SLC44A2: variants seen among roughly 807,000 people sequenced by gnomAD.
The protein encoded by SLC44A2 is choline transporter-like protein 2.
SLC44A2 carries 57 observed loss-of-function variants against 90.8 expected under a neutral mutation model. The ratio of observed to expected loss-of-function variants is 0.63; its 90% CI spans 0.51 to 0.78. SLC44A2 has a LOEUF of 0.78. SLC44A2 is among the 30% of genes least tolerant of loss of function. The pLI, the probability that SLC44A2 is intolerant of heterozygous loss-of-function variation, is 0.00. For missense variants in SLC44A2, 794 were observed against 919.7 expected (o/e 0.86, Z 1.77); for synonymous variants, 355 against 360.7 (o/e 0.98, Z 0.18).
At chr19:10,640,651 T>A (rs2067105585) in intron 20 of SLC44A2, among the ~76,000 whole-genome samples, 1 of 152,130 alleles carries the variant, frequency 6.6e-6, no homozygotes, top group South Asian at 2.1e-4. Context: ...CGTGTGAGTC[T>A]CCAGATTGCT....
Position 10,631,388 on chromosome 19 carries a change from G to T in SLC44A2, c.441+3G>T. On this transcript the variant is annotated splice_donor_region_variant and intron_variant, in intron 6 of 21. Coordinates refer to ENST00000335757, the MANE Select transcript of SLC44A2 (RefSeq NM_020428.4). ...TTCCTGGCTTCAAGAACAATAAAGT[G>T]AGTTGTAGACTGTCCTGAGAGCACA... 1 of 1,614,144 alleles carries T rather than the reference G, an allele frequency of 6.2e-7. No homozygotes were observed. The highest frequency in any genetic ancestry group is 8.5e-7 in the Non-Finnish European group (1 of 1,180,018).
chr19:10,634,999 C>G lies in SLC44A2; in HGVS notation c.981C>G (p.Val327=). The G allele has an allele frequency of 6.2e-7, 1 of 1,614,118 alleles. No homozygotes were observed. Among genetic ancestry groups the G allele is most frequent in the Non-Finnish European group, 8.5e-7 (1 of 1,180,034 alleles). The change falls in exon 12 of 22, where the codon GTC becomes GTG. Residue 327 remains valine, a synonymous_variant. Coordinates refer to ENST00000335757, the MANE Select transcript of SLC44A2 (RefSeq NM_020428.4). Reference sequence around the variant, plus strand: ...TGATCATTCTGAGTATCCTTGAAGTCATTATCATCTTGCTGCTCATCTTTC... The same window carrying G: ...TGATCATTCTGAGTATCCTTGAAGTGATTATCATCTTGCTGCTCATCTTTC... ...AFMIILSILE[V]IIILLLIFLR...
At chr19:10,628,094 G>C in intron 4 of SLC44A2, 90 bp downstream of exon 4, 1 of 1,222,624 alleles carries the variant, frequency 8.2e-7, no homozygotes, top group Non-Finnish European at 1.2e-6. Context: ...CAGTTAACAA[G>C]TGCTTATAGG....
At chr19:10,603,261 T>C (rs1485336802) in intron 1 of SLC44A2, among the ~76,000 whole-genome samples, 1 of 152,162 alleles carries the variant, frequency 6.6e-6, no homozygotes, top group Non-Finnish European at 1.5e-5. Context: ...GGGCCCAGGA[T>C]GTGGGCTTCT....
At chr19:10,625,389 A>G, upstream of SLC44A2, 1 of 976,642 alleles carries the variant, frequency 1.0e-6, no homozygotes, top group Non-Finnish European at 1.3e-6. Flanking sequence ...GGGGCGGGGA[A>G]GGCTAAATGC....
At chr19:10,634,935 A>G (rs776278058) in intron 11 of SLC44A2, 39 bp from the exon 12 acceptor site, 1 of 1,613,978 alleles carries the variant, frequency 6.2e-7, no homozygotes, top group South Asian at 1.1e-5. Context: ...CCTTGGAGGG[A>G]GTGGGGAGCC....
Position 10,627,884 on chromosome 19 carries a change from G to A in SLC44A2, c.161-36G>A, listed in dbSNP as rs975031771. 6.2e-6 allele frequency: 10 copies of A among 1,611,742 alleles called. No individual in the cohort carries two copies. In the African/African-American group the frequency reaches 9.3e-5, roughly 15 times the overall value. ...GTGGGAACAGGGCTGGATCTGAGGA[G>A]TGGCAGTGTCTCAGTATCCCTGGAT... On this transcript the variant is annotated intron_variant, in intron 3 of 21. Transcript: ENST00000335757.
intron 1 of SLC44A2, among the ~76,000 whole-genome samples, chr19:10,607,308 T>A (rs1024057531): frequency 6.6e-6 from 1 of 152,008 alleles, no homozygotes; most frequent in Admixed American, 6.6e-5. Flanking sequence ...AAAGTTTCCC[T>A]CTTGCTCTCC....
At chr19:10,637,040 G>A (rs2067064667) in intron 16 of SLC44A2, 1 of 400,244 alleles carries the variant, frequency 2.5e-6, no homozygotes, top group Non-Finnish European at 4.5e-6. Flanking sequence ...GTATATATTT[G>A]CGCTGAAGAG....
chr19:10,639,650 A>G lies in SLC44A2; in HGVS notation c.1929+1335A>G, dbSNP rs183170931. ...TCCCAGCACTTTGGGAGGCTGAGGC[A>G]GGTGGATCACCTGAGGTCAGGGGTT... On this transcript the variant is annotated intron_variant, in intron 20 of 21. Coordinates refer to ENST00000335757, the MANE Select transcript of SLC44A2 (RefSeq NM_020428.4). 7.0e-3 allele frequency among the ~76,000 whole-genome samples: 1,060 copies of G among 152,276 alleles called. 7 individuals are homozygous for G. Among genetic ancestry groups the G allele is most frequent in the Admixed American group, 0.01 (160 of 15,280 alleles).
chr19:10,637,726 T>A lies in SLC44A2; in HGVS notation c.1674T>A (p.Leu558=). 6.2e-7 allele frequency: 1 copy of A among 1,613,964 alleles called. No homozygotes were observed. The highest frequency in any genetic ancestry group is 8.5e-7 in the Non-Finnish European group (1 of 1,179,898). The stretch of plus-strand genomic sequence containing the variant: ...GCCTGGAGAAGTTCATCAAATTCCT[T>A]AATAGGAATGCCTACATCATGGTGA... ...FWCLEKFIKF[L]NRNAYIMIAI... is the part of the protein sequence containing the mutation. The change falls in exon 17 of 22, where the codon CTT becomes CTA. Residue 558 remains leucine, a synonymous_variant. Transcript: ENST00000335757.
intron 2 of SLC44A2, 108 bp from the exon 3 acceptor site, chr19:10,627,614 G>A: frequency 8.8e-7 from 1 of 1,140,706 alleles, no homozygotes; most frequent in Non-Finnish European, 1.3e-6. Flanking sequence ...AACGACTCAG[G>A]AAAATTTGTC....
intron 1 of SLC44A2, among the ~76,000 whole-genome samples, chr19:10,616,497 C>G (rs2066856348): frequency 6.6e-6 from 1 of 152,128 alleles, no homozygotes; most frequent in South Asian, 2.1e-4. Flanking sequence ...AAGTGATCCA[C>G]CCACCTTGGC....
At position 10,635,147 on chromosome 19, in the gene SLC44A2, C is replaced by T. The variant is rs1004932185; in HGVS notation, c.1056-16C>T. 6.2e-7 allele frequency: 1 copy of T among 1,613,908 alleles called. No homozygotes were observed. Among genetic ancestry groups the T allele is most frequent in the Non-Finnish European group, 8.5e-7 (1 of 1,179,920 alleles). ...GTGTCTTTTGCCCTGACGCCTGTGT[C>T]TCTGCTCTTCCCTAGGGCTGTGGGA... On this transcript the variant is annotated splice_polypyrimidine_tract_variant and intron_variant, in intron 12 of 21. Transcript: ENST00000335757.
At chr19:10,602,675 G>T in intron 1 of SLC44A2, 1 of 996,236 alleles carries the variant, frequency 1.0e-6, no homozygotes. Context: ...ATGGCCCTCC[G>T]CGCTCGGGCC....
chr19:10,633,683 C>G (rs1056847956), intron 10 of SLC44A2, among the ~76,000 whole-genome samples: 97 of 152,292 alleles, frequency 6.4e-4, no homozygotes, highest in African/African-American at 2.3e-3. Context: ...TCTTGAACTC[C>G]TGAGCTTGAG....
At chr19:10,642,803 T>C (rs1346730586) in intron 21 of SLC44A2, 29 of 1,420,772 alleles carry the variant, frequency 2.0e-5, no homozygotes, top group Non-Finnish European at 2.7e-5. Flanking sequence ...CTCTCCTCCA[T>C]GCCTGCTGGC....
At chr19:10,641,504 ATAAAT>A (rs1424195406) in intron 20 of SLC44A2, 1 of 420,662 alleles carries the variant, frequency 2.4e-6, no homozygotes, top group Non-Finnish European at 4.6e-6. Flanking sequence ...TCGATGGGGC[ATAAAT>A]TAGATTTAAG....
chr19:10,642,931 GCGAC>G, intron 21 of SLC44A2: 1 of 1,595,306 alleles, frequency 6.3e-7, no homozygotes, highest in Non-Finnish European at 8.5e-7. Context: ...GCTCTCAGGA[GCGAC>G]CCTACTTCAT....
Sources: allele counts gnomAD v4.1 joint callset (sites outside exome capture counted in the v4.1 genomes callset), GRCh38; gene constraint gnomAD v4.1.1; transcripts MANE v1.5; gene names NCBI Gene and HGNC (gene_info 2026-07-23, HGNC 2026-07-21).